Variants in WNT9B observed in about 807,000 individuals in gnomAD.
WNT9B encodes Wnt family member 9B, also known as protein Wnt-9b.
A neutral mutation model predicts 30.2 loss-of-function variants in WNT9B; 12 were observed. That is an observed-to-expected ratio of 0.40 (90% confidence interval 0.26 to 0.64). The LOEUF (loss-of-function observed/expected upper bound fraction) is 0.64. Among genes scored for constraint, WNT9B ranks in the 30% least tolerant of loss-of-function variants. The pLI, the probability that WNT9B is intolerant of heterozygous loss-of-function variation, is 0.42. For missense variants in WNT9B, 442 were observed against 485.2 expected (o/e 0.91, Z 0.84); for synonymous variants, 218 against 216.9 (o/e 1.01, Z -0.05).
intron 2 of WNT9B, among the ~76,000 whole-genome samples, chr17:46,873,184 C>T (rs182659596): frequency 8.3e-4 from 126 of 152,052 alleles, no homozygotes; most frequent in Admixed American, 2.8e-3. Context: ...ATTCCAGGCC[C>T]GATGACACGA....
upstream of WNT9B, among the ~76,000 whole-genome samples, chr17:46,847,967 A>AGTGTGTGTGT (rs57125736): frequency 0.014 from 2,168 of 149,676 alleles, 15 homozygotes; most frequent in African/African-American, 0.016. Flanking sequence ...TGATTTCCAA[A>AGTGTGTGTGT]GTGTGTGTGT....
chr17:46,875,604 C>A (rs894396112), intron 3 of WNT9B, among the ~76,000 whole-genome samples: 1 of 152,206 alleles, frequency 6.6e-6, no homozygotes, highest in South Asian at 2.1e-4. Flanking sequence ...TTGGTGGAAG[C>A]AGTGGTCACC....
intron 3 of WNT9B, among the ~76,000 whole-genome samples, chr17:46,875,784 G>A (rs1258732162): frequency 1.3e-5 from 2 of 152,248 alleles, no homozygotes; most frequent in African/African-American, 2.4e-5. Context: ...GAAGATGGAA[G>A]TGGCCCAGAG....
At position 46,879,707 on chromosome 17, in the gene WNT9B, G is replaced by T. The variant is rs547851930; in HGVS notation, c.*2989G>T. Among the ~76,000 whole-genome samples, 1 of 152,154 alleles carries T rather than the reference G, an allele frequency of 6.6e-6. No homozygotes were observed. The highest frequency in any genetic ancestry group is 1.5e-5 in the Non-Finnish European group (1 of 68,042). On this transcript the variant is annotated 3_prime_UTR_variant, in exon 4 of 4. Coordinates refer to ENST00000290015, the MANE Select transcript of WNT9B (RefSeq NM_003396.3). ...AACATCTCCATAGACCAGGCACTACGGGCTGACCTGCTCTGAGCCCAGGAG... is the reference window on the plus strand; with the variant it reads ...AACATCTCCATAGACCAGGCACTACTGGCTGACCTGCTCTGAGCCCAGGAG...
chr17:46,876,914 C>A lies in WNT9B; in HGVS notation c.*196C>A, dbSNP rs2085355965. ...TCCCTCGATACTCAACAAAGAGAAGCAAAGCCTCCTCCCTTAACCCAAGCA... is the reference window on the plus strand; with the variant it reads ...TCCCTCGATACTCAACAAAGAGAAGAAAAGCCTCCTCCCTTAACCCAAGCA... On this transcript the variant is annotated 3_prime_UTR_variant, in exon 4 of 4. Transcript: ENST00000290015. The A allele has an allele frequency of 7.4e-7, 1 of 1,359,578 alleles. No individual in the cohort carries two copies. 84.2% of individuals were successfully genotyped at this position (1,359,578 alleles called of 1,614,324 possible). A position where few individuals can be genotyped will look rare whatever the true frequency, so the allele number is the denominator to read the frequency against.
chr17:46,885,080 C>T (rs1309603469), downstream of WNT9B: 2 of 439,908 alleles, frequency 4.5e-6, 1 homozygote, highest in Admixed American at 4.9e-5. Context: ...CCTCCACCTC[C>T]CGGATTCAAG....
chr17:46,857,115 G>A (rs2084951489), intron 1 of WNT9B, among the ~76,000 whole-genome samples: 1 of 152,140 alleles, frequency 6.6e-6, no homozygotes, highest in Non-Finnish European at 1.5e-5. Flanking sequence ...TTTTATGGCT[G>A]AGTATTCCTT....
Position 46,876,812 on chromosome 17 carries a change from A to T in WNT9B, c.*94A>T. 6.9e-7 allele frequency: 1 copy of T among 1,446,930 alleles called. No homozygotes were observed. The highest frequency in any genetic ancestry group is 1.5e-5 in the South Asian group (1 of 67,538). The allele number at this position is 1,446,930 out of a possible 1,614,324, so 89.6% of individuals were successfully genotyped here. ...GGCCCTCTGGGCAGACTGTCATCAC[A>T]TGCATGCATAAACCGGCATGTGTGC... On this transcript the variant is annotated 3_prime_UTR_variant, in exon 4 of 4. Transcript: ENST00000290015.
chr17:46,839,843 A>C (rs931512299), intron 1 of WNT9B, among the ~76,000 whole-genome samples: 7 of 152,164 alleles, frequency 4.6e-5, no homozygotes, highest in Non-Finnish European at 7.3e-5. Flanking sequence ...GTGTCCCTGC[A>C]AAGGACATGA....
At chr17:46,859,147 T>G (rs909174281) in intron 1 of WNT9B, among the ~76,000 whole-genome samples, 2 of 152,076 alleles carry the variant, frequency 1.3e-5, no homozygotes, top group African/African-American at 2.4e-5. Context: ...TAGCTAATTT[T>G]GTATTTTTAG....
At chr17:46,886,089 T>A (rs1288091766) in exon 5 of WNT9B, 1 of 152,322 alleles carries the variant, frequency 6.6e-6, no homozygotes, top group Non-Finnish European at 1.5e-5. Flanking sequence ...CAGATGAACT[T>A]CTTTCTCTCC....
chr17:46,841,180 A>G (rs1424111182), intron 1 of WNT9B, among the ~76,000 whole-genome samples: 1 of 152,250 alleles, frequency 6.6e-6, no homozygotes, highest in Non-Finnish European at 1.5e-5. Flanking sequence ...TGACAGGAAC[A>G]TGACACGCAT....
intron 1 of WNT9B, among the ~76,000 whole-genome samples, chr17:46,842,726 C>T: frequency 6.6e-6 from 1 of 152,184 alleles, no homozygotes; most frequent in East Asian, 1.9e-4. Context: ...TTCCTGGATC[C>T]TACAGAGTGC....
chr17:46,854,150 T>C (rs2084901744), intron 1 of WNT9B, among the ~76,000 whole-genome samples: 1 of 152,124 alleles, frequency 6.6e-6, no homozygotes, highest in Non-Finnish European at 1.5e-5. Flanking sequence ...GGCCTCATGA[T>C]GTTAAGTGTT....
At chr17:46,865,911 C>CA (rs1386568766) in intron 1 of WNT9B, among the ~76,000 whole-genome samples, 1 of 151,814 alleles carries the variant, frequency 6.6e-6, no homozygotes, top group Non-Finnish European at 1.5e-5. Context: ...AATGCCTGAC[C>CA]AAAAAAATCC....
downstream of WNT9B, chr17:46,885,362 G>A (rs1288479241): frequency 9.1e-6 from 2 of 220,246 alleles, no homozygotes; most frequent in Non-Finnish European, 1.8e-5. Flanking sequence ...GAGTGCACTG[G>A]CATGATCTCT....
At position 46,876,399 on chromosome 17, in the gene WNT9B, C is replaced by A. The variant is rs2085346168; in HGVS notation, c.755C>A (p.Thr252Asn). ...TCGGCTGTCAAGGTGTCCAGTGCCA[C>A]CAATGAGGCCTTGGGCCGCCTAGAG... Reference protein sequence around the residue: ...YDSAVKVSSATNEALGRLELW... With the variant: ...YDSAVKVSSANNEALGRLELW... Residue 252 changes from threonine to asparagine, a missense_variant, in exon 4 of 4, where the codon ACC becomes AAC. Transcript: ENST00000290015. The A allele has an allele frequency of 1.9e-6, 3 of 1,613,796 alleles. No individual in the cohort carries two copies. The highest frequency in any genetic ancestry group is 1.3e-5 in the African/African-American group (1 of 74,954).
chr17:46,881,441 A>G (rs1443201939), downstream of WNT9B, among the ~76,000 whole-genome samples: 1 of 152,238 alleles, frequency 6.6e-6, no homozygotes, highest in Non-Finnish European at 1.5e-5. Context: ...CACAAGGTGG[A>G]CACCCTTCTT....
intron 1 of WNT9B, chr17:46,833,540 G>A (rs35262538): frequency 0.1 from 43,709 of 416,470 alleles, 2,635 homozygotes; most frequent in Middle Eastern, 0.13. Context: ...CACTGCTGGA[G>A]GCCGACCTGA....
Sources: gnomAD v4.1 joint callset for allele counts (sites outside exome capture counted in the v4.1 genomes callset) on GRCh38, gnomAD v4.1.1 for gene constraint, MANE v1.5 for transcripts, NCBI Gene and HGNC (gene_info 2026-07-23, HGNC 2026-07-21) for gene names.